Variants in DOCK6 observed in about 807,000 individuals in gnomAD.
The protein encoded by DOCK6 is dedicator of cytokinesis protein 6.
Under a neutral mutation model 230.3 loss-of-function variants are expected in DOCK6, and 167 were observed. The ratio of observed to expected loss-of-function variants is 0.73; its 90% CI spans 0.64 to 0.82. The LOEUF is 0.82. DOCK6 is among the 40% of genes least tolerant of loss of function. DOCK6 has a pLI of 0.00. For synonymous variants in DOCK6, 1,148 were observed against 1,185.0 expected, an observed-to-expected ratio of 0.97 and a Z score of 0.64; for missense variants, 2,598 against 2,825.8, an observed-to-expected ratio of 0.92 and a Z score of 1.83.
Position 11,243,296 on chromosome 19 carries a change from G to C in DOCK6, c.1348C>G (p.Arg450Gly). Residue 450 changes from arginine to glycine, a missense_variant, in exon 12 of 48, where the codon CGT becomes GGT. By Grantham distance (125) the Arg-to-Gly change is moderately radical. Transcript: ENST00000294618. This position sits in a 1 kb window ranked among gnomAD's most constrained non-coding sequence, Gnocchi z 6.3. ...TTTGTGACAGTTAGCGTGGCTGGAC[G>C]GAAGCCAGAGAAGCTGCAGGCGTCG... ...GDDACSFSGF[R>G]PATLTVTNFF... is the part of the protein sequence containing the mutation. 6.2e-7 allele frequency: 1 copy of C among 1,604,828 alleles called. No individual in the cohort carries two copies. Among genetic ancestry groups the C allele is most frequent in the South Asian group, 1.1e-5 (1 of 89,516 alleles).
Position 11,233,293 on chromosome 19 carries a change from C to T in DOCK6, c.2628G>A (p.Ala876=), listed in dbSNP as rs373276793. The change falls in exon 22 of 48, where the codon GCG becomes GCA. Residue 876 remains alanine (A), a synonymous_variant. Transcript: ENST00000294618. ...GSGRPASLYL[A]RSKSISSSNP... ...TGCTGCTGCTGATGCTCTTGGAACGCGCCAGGTAGAGGCTTGCGGGGCGAC... is the reference window on the plus strand; with the variant it reads ...TGCTGCTGCTGATGCTCTTGGAACGTGCCAGGTAGAGGCTTGCGGGGCGAC... The T allele has an allele frequency of 7.1e-5, 114 of 1,613,784 alleles. No homozygotes were observed. In the East Asian group the frequency reaches 9.1e-4, roughly 13 times the overall value.
Position 11,204,324 on chromosome 19 carries a change from A to G in DOCK6, c.5096T>C (p.Leu1699Pro). ...QAAGYFTMGG[L>P]YEAVNEVYKN... ...GTAGACCTCATTCACCGCCTCGTAG[A>G]GCCCGCCCTGAGGGTGAGGTGGGGT... is the stretch of plus-strand genomic sequence containing the variant. The change falls in exon 40 of 48, where the codon CTC becomes CCC. Residue 1699 changes from leucine to proline, a missense_variant. Transcript: ENST00000294618. 2 of 1,611,610 alleles carry G rather than the reference A, an allele frequency of 1.2e-6. No homozygotes were observed. The highest frequency in any genetic ancestry group is 1.7e-6 in the Non-Finnish European group (2 of 1,178,846).
At chr19:11,221,748 C>T in intron 28 of DOCK6, 103 bp downstream of exon 28, 1 of 1,557,786 alleles carries the variant, frequency 6.4e-7, no homozygotes, top group Non-Finnish European at 8.8e-7. Flanking sequence ...ATCCTAATGT[C>T]TATACTCATA....
chr19:11,252,025 C>G (rs2080123959), intron 5 of DOCK6, 94 bp downstream of exon 5: 3 of 1,534,848 alleles, frequency 2.0e-6, no homozygotes, highest in Admixed American at 3.9e-5. Context: ...GAGCTCAAGG[C>G]TGTTTGGGTC....
intron 32 of DOCK6, among the ~76,000 whole-genome samples, chr19:11,215,091 T>C (rs2116874): frequency 0.55 from 83,116 of 151,124 alleles, 23,362 homozygotes; most frequent in Non-Finnish European, 0.62. Context: ...TACAGGCACC[T>C]GCCACCACAC....
chr19:11,249,797 C>G (rs899868678), intron 6 of DOCK6, among the ~76,000 whole-genome samples: 6 of 142,140 alleles, frequency 4.2e-5, no homozygotes, highest in Non-Finnish European at 9.1e-5. Context: ...ACTCGGGAGG[C>G]TGAGGCAGGA....
Position 11,200,465 on chromosome 19 carries a change from C to T in DOCK6, c.5944G>A (p.Glu1982Lys), listed in dbSNP as rs2079150616. Residue 1982 changes from glutamate (E) to lysine (K), a missense_variant, in exon 47 of 48, where the codon GAG becomes AAG. Transcript: ENST00000294618. This position sits in a 1 kb window ranked among gnomAD's most constrained non-coding sequence, Gnocchi z 4.3. ...LCFKDFCKKC[E>K]DALRKNKALI... ...GCCTTATTTTTCCGCAGCGCATCCT[C>T]ACATCTGAGGGCCAGAGGGTGGGAG... 2 of 1,609,950 alleles carry T rather than the reference C, an allele frequency of 1.2e-6. No individual in the cohort carries two copies. The highest frequency in any genetic ancestry group is 4.5e-5 in the East Asian group (2 of 44,688).
At chr19:11,238,683 G>C (rs2079890782) in intron 14 of DOCK6, 1 of 197,056 alleles carries the variant, frequency 5.1e-6, no homozygotes. Context: ...CCCCACCCAA[G>C]GGCCTGACTG....
Position 11,243,516 on chromosome 19 carries a change from C to T in DOCK6, c.1258+41G>A. 6.4e-7 allele frequency: 1 copy of T among 1,561,728 alleles called. No individual in the cohort carries two copies. The highest frequency in any genetic ancestry group is 8.7e-7 in the Non-Finnish European group (1 of 1,155,346). On this transcript the variant is annotated intron_variant, in intron 11 of 47. Transcript: ENST00000294618. The surrounding 1 kb of genome is among the most constrained non-coding windows in gnomAD (Gnocchi z 6.3). ...CCCGCCCCAGGCCTGTCAGCACCAC[C>T]CTTTAGCCCCGCCCCAAGCCTGTTA...
intron 18 of DOCK6, 124 bp downstream of exon 18, chr19:11,237,332 C>G: frequency 1.0e-6 from 1 of 985,896 alleles, no homozygotes; most frequent in Non-Finnish European, 1.6e-6. Context: ...ATGAGCTACA[C>G]GGGGGCCCTG....
At chr19:11,207,893 G>A (rs759762846) in intron 39 of DOCK6, among the ~76,000 whole-genome samples, 5 of 151,958 alleles carry the variant, frequency 3.3e-5, no homozygotes, top group South Asian at 2.1e-4. Context: ...TCACGCCACC[G>A]CACTCCAGCC....
intron 14 of DOCK6, among the ~76,000 whole-genome samples, chr19:11,240,582 C>CTTTT (rs869249463): frequency 7.3e-6 from 1 of 136,362 alleles, no homozygotes; most frequent in Non-Finnish European, 1.6e-5. Flanking sequence ...TCAATAAATT[C>CTTTT]TTTTTTTTTT....
Position 11,214,569 on chromosome 19 carries a change from AGT to A in DOCK6, c.4185_4186del (p.Leu1396GlyfsTer126). On this transcript the variant is annotated frameshift_variant, in exon 33 of 48. Transcript: ENST00000294618. LOFTEE classifies it high-confidence loss of function. ...AAGCCCTACCTGCACGATGATCTCC[AGT>A]GTGTCCAGAACCACTAGGCTTGCCT... 1 of 1,613,888 alleles carries A rather than the reference AGT, an allele frequency of 6.2e-7. No homozygotes were observed. Among genetic ancestry groups the A allele is most frequent in the Non-Finnish European group, 8.5e-7 (1 of 1,179,884 alleles).
At chr19:11,229,650 C>A (rs1355975477) in intron 22 of DOCK6, among the ~76,000 whole-genome samples, 1 of 151,728 alleles carries the variant, frequency 6.6e-6, no homozygotes, top group Non-Finnish European at 1.5e-5. Flanking sequence ...GTAGACGGGG[C>A]AGTGGAGGCA....
Position 11,243,699 on chromosome 19 carries a change from C to T in DOCK6, c.1116G>A (p.Lys372=). ...CGGCCGCCAGGCGCAGCTTCTCTAG[C>T]TTCTCTTTGTTCTGTGGGGAGACCC... ...KEVDTAKNKE[K]LEKLRLAAEQ... Residue 372 remains lysine, a synonymous_variant, in exon 11 of 48, where the codon AAG becomes AAA. Coordinates refer to ENST00000294618, the MANE Select transcript of DOCK6 (RefSeq NM_020812.4). This position sits in a 1 kb window ranked among gnomAD's most constrained non-coding sequence, Gnocchi z 6.3. The T allele has an allele frequency of 6.2e-7, 1 of 1,613,890 alleles. No individual in the cohort carries two copies. Among genetic ancestry groups the T allele is most frequent in the South Asian group, 1.1e-5 (1 of 91,068 alleles).
intron 14 of DOCK6, chr19:11,239,497 G>A: frequency 9.5e-7 from 1 of 1,051,474 alleles, no homozygotes; most frequent in Non-Finnish European, 1.4e-6. Context: ...TTCGCCTGAT[G>A]CAACTATCGC....
intron 22 of DOCK6, chr19:11,232,063 G>C (rs2079773304): frequency 1.7e-6 from 1 of 598,884 alleles, no homozygotes; most frequent in Non-Finnish European, 2.5e-6. Flanking sequence ...AACAAAGGCA[G>C]GAGAGGGGTC....
intron 24 of DOCK6, 65 bp from the exon 25 acceptor site, chr19:11,223,171 C>T (rs750165139): frequency 6.2e-6 from 9 of 1,453,750 alleles, no homozygotes; most frequent in African/African-American, 2.8e-5. Context: ...GCTTGGCTCT[C>T]ACCAAGATCA....
chr19:11,228,477 C>T (rs955939617), intron 23 of DOCK6, among the ~76,000 whole-genome samples: 1 of 151,872 alleles, frequency 6.6e-6, no homozygotes, highest in Admixed American at 6.6e-5. Flanking sequence ...ACCTTAAGTG[C>T]CTCTCACCTC....
Sources: allele counts gnomAD v4.1 joint callset (sites outside exome capture counted in the v4.1 genomes callset), GRCh38; gene constraint gnomAD v4.1.1; non-coding constraint Gnocchi (gnomAD v3.1); transcripts MANE v1.5; gene names NCBI Gene and HGNC (gene_info 2026-07-23, HGNC 2026-07-21).